ZFC3H1: variants seen among roughly 807,000 people sequenced by gnomAD.
ZFC3H1 encodes zinc finger C3H1 domain-containing protein.
In ZFC3H1, 71 loss-of-function variants were observed where a neutral mutation model predicts 243.7. That is an observed-to-expected ratio of 0.29 (90% CI 0.24 to 0.36). The LOEUF (loss-of-function observed/expected upper bound fraction) is 0.36, where lower values mean the gene tolerates loss of function less well. Ranked by LOEUF, ZFC3H1 falls within the 10% of genes least tolerant of loss-of-function variation. The pLI, the probability that ZFC3H1 is intolerant of heterozygous loss-of-function variation, is 1.00. For synonymous variants in ZFC3H1, 838 were observed against 813.0 expected (o/e 1.03, Z -0.52); for missense variants, 1,966 against 2,317.1 (o/e 0.85, Z 3.11).
chr12:71,627,677 C>G (rs1012427492), intron 21 of ZFC3H1, 74 bp downstream of exon 21: 2 of 1,414,780 alleles, frequency 1.4e-6, no homozygotes, highest in Non-Finnish European at 1.9e-6. Context: ...TGACTGATTA[C>G]CATAGGTAAA....
chr12:71,642,115 A>G (rs1309023180), intron 6 of ZFC3H1, among the ~76,000 whole-genome samples: 1 of 152,142 alleles, frequency 6.6e-6, no homozygotes, highest in African/African-American at 2.4e-5. Flanking sequence ...ATCCCAAAGT[A>G]CTGGGATTAC....
intron 10 of ZFC3H1, 149 bp downstream of exon 10, chr12:71,635,294 A>C (rs1201112863): frequency 1.0e-6 from 1 of 989,820 alleles, no homozygotes; most frequent in African/African-American, 1.7e-5. Flanking sequence ...TTCATTATAT[A>C]AAGTCCTAAT....
intron 22 of ZFC3H1, among the ~76,000 whole-genome samples, chr12:71,624,598 A>G (rs1880113326): frequency 6.6e-6 from 1 of 152,234 alleles, no homozygotes; most frequent in Non-Finnish European, 1.5e-5. Flanking sequence ...ATCATGATGA[A>G]TATCCAAAAG....
At chr12:71,662,953 T>C (rs1187427123) in intron 1 of ZFC3H1, 60 bp downstream of exon 1, 4 of 1,468,510 alleles carry the variant, frequency 2.7e-6, no homozygotes, top group South Asian at 1.3e-5. Context: ...ACAGACCTAG[T>C]AATGACGCTA....
rs1190679004 is a variant in ZFC3H1, at chr12:71,647,832, T to C, written c.1016-19A>G. 2 of 1,023,002 alleles carry C rather than the reference T, an allele frequency of 2.0e-6. No homozygotes were observed. The highest frequency in any genetic ancestry group is 3.4e-5 in the African/African-American group (2 of 59,422). 63.4% of individuals were successfully genotyped at this position (1,023,002 alleles called of 1,614,324 possible). A position where few individuals can be genotyped will look rare whatever the true frequency, so the allele number is the denominator to read the frequency against. ...TGTAATCCTTTAAAATAAAATAATATCTTTTGAATAATCCAAAAGATAGCC... is the reference window on the plus strand; with the variant it reads ...TGTAATCCTTTAAAATAAAATAATACCTTTTGAATAATCCAAAAGATAGCC... On this transcript the variant is annotated intron_variant, in intron 2 of 34. Transcript: ENST00000378743.
chr12:71,610,947 T>A, intron 33 of ZFC3H1, 111 bp downstream of exon 33: 1 of 1,509,684 alleles, frequency 6.6e-7, no homozygotes, highest in Admixed American at 2.1e-5. Context: ...TGGTTCTTAG[T>A]GTGCATGAAA....
intron 22 of ZFC3H1, among the ~76,000 whole-genome samples, chr12:71,625,285 T>C (rs1220116828): frequency 6.6e-6 from 1 of 152,222 alleles, no homozygotes; most frequent in Non-Finnish European, 1.5e-5. Context: ...AATAGATTTA[T>C]TTAAAAATTT....
chr12:71,621,611 C>A (rs1417061518), intron 24 of ZFC3H1, among the ~76,000 whole-genome samples: 1 of 152,054 alleles, frequency 6.6e-6, no homozygotes, highest in Admixed American at 6.6e-5. Context: ...CGGCCAAGGT[C>A]CACTTCCTTA....
At chr12:71,634,538 T>C (rs897895711) in intron 11 of ZFC3H1, among the ~76,000 whole-genome samples, 166 bp downstream of exon 11, 8 of 152,192 alleles carry the variant, frequency 5.3e-5, no homozygotes, top group Non-Finnish European at 8.8e-5. Flanking sequence ...TCTATTCAAG[T>C]GTATGTATGA....
At chr12:71,618,437 T>C (rs1879944018) in intron 27 of ZFC3H1, among the ~76,000 whole-genome samples, 2 of 152,214 alleles carry the variant, frequency 1.3e-5, no homozygotes, top group African/African-American at 4.8e-5. Flanking sequence ...TTGTTCTTCC[T>C]AATACAAAAT....
chr12:71,632,279 G>A lies in ZFC3H1; in HGVS notation c.3053C>T (p.Thr1018Ile), dbSNP rs750368764. The change falls in exon 15 of 35, where the codon ACA (threonine) becomes ATA (isoleucine). Residue 1018 changes from threonine to isoleucine, a missense_variant. Around this residue, in one of 4 missense-constraint regions of ZFC3H1, gnomAD observed 1,383 missense variants for 1,723.7 expected, o/e 0.80. Transcript: ENST00000378743. ...SLPQPSLHDL[T>I]QDKLTLDTEE... ...AGTGTCCAGGGTTAATTTATCTTGT[G>A]TCAGATCATGAAGTGAGGGTTGAGG... The A allele has an allele frequency of 1.2e-6, 2 of 1,613,846 alleles. No individual in the cohort carries two copies. Among genetic ancestry groups the A allele is most frequent in the South Asian group, 1.1e-5 (1 of 91,066 alleles).
chr12:71,621,207 T>C (rs1386682487), intron 24 of ZFC3H1, among the ~76,000 whole-genome samples: 17 of 151,678 alleles, frequency 1.1e-4, no homozygotes, highest in Admixed American at 1.1e-3. Context: ...AAGCACATTA[T>C]AAAAACTGTA....
intron 2 of ZFC3H1, chr12:71,656,380 G>A (rs988922394): frequency 8.3e-6 from 4 of 482,036 alleles, no homozygotes; most frequent in African/African-American, 7.9e-5. Flanking sequence ...TTAAACGCAA[G>A]CATACAAGGG....
At chr12:71,616,899 A>G (rs1201558141) in intron 27 of ZFC3H1, among the ~76,000 whole-genome samples, 4 of 152,194 alleles carry the variant, frequency 2.6e-5, no homozygotes, top group Admixed American at 2.6e-4. Flanking sequence ...GATGACTTCA[A>G]ATCTAATCTA....
intron 20 of ZFC3H1, 118 bp downstream of exon 20, chr12:71,628,800 T>C: frequency 8.6e-7 from 1 of 1,164,826 alleles, no homozygotes; most frequent in African/African-American, 1.6e-5. Flanking sequence ...GCATCGTTTT[T>C]AAAAAAAATT....
At chr12:71,661,500 T>G (rs78501261) in intron 1 of ZFC3H1, among the ~76,000 whole-genome samples, 1 of 147,634 alleles carries the variant, frequency 6.8e-6, no homozygotes, top group African/African-American at 2.6e-5. Context: ...TTTTTTTTTT[T>G]GAAACGGAGT....
chr12:71,620,097 T>C lies in ZFC3H1; in HGVS notation c.4878A>G (p.Lys1626=). ...TAATAGGACATGATTCCAATAAAGA[T>C]TTACAAAGCTCCATTGCAGCCTCAT... is the stretch of plus-strand genomic sequence containing the variant. ...ERYEAAMELC[K]SLLESCPINC... Residue 1626 remains lysine (K), a synonymous_variant, in exon 26 of 35, where the codon AAA becomes AAG. Coordinates refer to ENST00000378743, the MANE Select transcript of ZFC3H1 (RefSeq NM_144982.5). 6.2e-7 allele frequency: 1 copy of C among 1,612,452 alleles called. No individual in the cohort carries two copies. Among genetic ancestry groups the C allele is most frequent in the South Asian group, 1.1e-5 (1 of 90,596 alleles).
At chr12:71,661,112 G>A (rs946830075) in intron 1 of ZFC3H1, among the ~76,000 whole-genome samples, 4 of 151,920 alleles carry the variant, frequency 2.6e-5, no homozygotes, top group Admixed American at 2.6e-4. Flanking sequence ...GACCATCCTG[G>A]CTAACATGAT....
chr12:71,635,030 G>A (rs1034888995), intron 10 of ZFC3H1, among the ~76,000 whole-genome samples: 17 of 152,110 alleles, frequency 1.1e-4, no homozygotes, highest in African/African-American at 4.1e-4. Flanking sequence ...AAGATCTACA[G>A]TCTGAAAATC....
Sources: gnomAD v4.1 joint callset for allele counts (sites outside exome capture counted in the v4.1 genomes callset) on GRCh38, gnomAD v4.1.1 for gene constraint, gnomAD v4.1.1 regional missense constraint, MANE v1.5 for transcripts, NCBI Gene and HGNC (gene_info 2026-07-23, HGNC 2026-07-21) for gene names.